The following TRPM4 variants were observed in gnomAD, a reference collection of about 807,000 sequenced individuals.
The protein encoded by TRPM4 is calcium-activated non-selective cation channel 1.
In TRPM4, 124 loss-of-function variants were observed where a neutral mutation model predicts 135.6. That is an observed-to-expected ratio of 0.91 (90% CI 0.79 to 1.06). The LOEUF is 1.06. Among genes scored for constraint, TRPM4 ranks in the 50% least tolerant of loss-of-function variants. The probability of loss-of-function intolerance (pLI) is 0.00; values close to 1 mark genes in which losing one functional copy is unlikely to be tolerated. For synonymous variants in TRPM4, 745 were observed against 705.6 expected (o/e 1.06, Z -0.88); for missense variants, 1,658 against 1,671.4 (o/e 0.99, Z 0.14).
intron 3 of TRPM4, 33 bp from the exon 4 acceptor site, chr19:49,167,884 C>G (rs1334305994): frequency 6.2e-7 from 1 of 1,605,454 alleles, no homozygotes; most frequent in East Asian, 2.2e-5. Context: ...CTCTGTCCCC[C>G]TCCCTGTGTG....
At chr19:49,166,286 G>C (rs1217065278) in intron 3 of TRPM4, 71 bp downstream of exon 3, 7 of 1,471,870 alleles carry the variant, frequency 4.8e-6, no homozygotes, top group South Asian at 2.6e-5. Flanking sequence ...GAGTGGAGCC[G>C]GGACGCCCGC....
At chr19:49,209,426 G>T (rs1308204732) in intron 20 of TRPM4, among the ~76,000 whole-genome samples, 1 of 152,060 alleles carries the variant, frequency 6.6e-6, no homozygotes, top group Non-Finnish European at 1.5e-5. Flanking sequence ...AAACGTTTTT[G>T]ATTCAATCTC....
In TRPM4 at chr19:49,211,773, G is replaced by C. The variant is rs1282100330; in HGVS notation, c.*275G>C. ...GCTGCAGGGTCCTTGGGGTAACAGG[G>C]ACCACAGACCCCTCACCACTCACAG... On this transcript the variant is annotated 3_prime_UTR_variant, in exon 25 of 25. Coordinates refer to ENST00000252826, the MANE Select transcript of TRPM4 (RefSeq NM_017636.4). The surrounding 1 kb of genome is among the most constrained non-coding windows in gnomAD (Gnocchi z 4.8). The C allele has an allele frequency of 1.8e-6, 1 of 569,908 alleles. No individual in the cohort carries two copies. The highest frequency in any genetic ancestry group is 3.0e-5 in the Admixed American group (1 of 32,900). 35.3% of individuals were successfully genotyped at this position (569,908 alleles called of 1,614,324 possible). A position where few individuals can be genotyped will look rare whatever the true frequency, so the allele number is the denominator to read the frequency against.
chr19:49,163,396 A>G (rs1288755203), intron 2 of TRPM4, among the ~76,000 whole-genome samples: 1 of 150,558 alleles, frequency 6.6e-6, no homozygotes, highest in Non-Finnish European at 1.5e-5. Context: ...AGGTTTCACT[A>G]TGTTGGCCAG....
rs1317711283 is a variant in TRPM4 at position 49,210,087 on chromosome 19, T to C, written c.3132-122T>C. On this transcript the variant is annotated intron_variant, in intron 20 of 24. Transcript: ENST00000252826. This position sits in a 1 kb window ranked among gnomAD's most constrained non-coding sequence, Gnocchi z 4.1. ...TAATCGCATCCTGTAACCTCTGACT[T>C]TAGTGATCTTGACTTCTGTCTGCTG... is the stretch of plus-strand genomic sequence containing the variant. 3 of 1,089,524 alleles carry C rather than the reference T, an allele frequency of 2.8e-6. No homozygotes were observed. The highest frequency in any genetic ancestry group is 2.5e-5 in the South Asian group (2 of 78,536). 67.5% of individuals were successfully genotyped at this position (1,089,524 alleles called of 1,614,324 possible).
intron 9 of TRPM4, among the ~76,000 whole-genome samples, chr19:49,177,161 A>G (rs1967727286): frequency 2.0e-5 from 3 of 151,948 alleles, no homozygotes; most frequent in Admixed American, 2.0e-4. Flanking sequence ...CTGGGAGAAA[A>G]TACGGCAGCT....
intron 12 of TRPM4, among the ~76,000 whole-genome samples, chr19:49,185,413 A>T (rs1160115559): frequency 3.3e-5 from 5 of 151,932 alleles, no homozygotes; most frequent in East Asian, 3.9e-4. Flanking sequence ...AGCTAATTTT[A>T]AAAAATTTGC....
chr19:49,176,660 T>C (rs1380754524), intron 9 of TRPM4, among the ~76,000 whole-genome samples: 1 of 152,190 alleles, frequency 6.6e-6, no homozygotes, highest in Non-Finnish European at 1.5e-5. Flanking sequence ...GAGATCAGCC[T>C]GGCCACCATG....
chr19:49,166,289 A>T, intron 3 of TRPM4, 74 bp downstream of exon 3: 2 of 1,470,010 alleles, frequency 1.4e-6, no homozygotes, highest in Non-Finnish European at 1.8e-6. Context: ...TGGAGCCGGG[A>T]CGCCCGCCCT....
chr19:49,201,254 A>G (rs1968925254), intron 19 of TRPM4, among the ~76,000 whole-genome samples: 1 of 152,048 alleles, frequency 6.6e-6, no homozygotes, highest in South Asian at 2.1e-4. Flanking sequence ...TACATTTTGT[A>G]TTTGTCTTGA....
intron 2 of TRPM4, among the ~76,000 whole-genome samples, chr19:49,163,570 C>A (rs1967053220): frequency 6.6e-6 from 1 of 152,038 alleles, no homozygotes; most frequent in Admixed American, 6.6e-5. Context: ...TGGCTTATTG[C>A]AGCCTTGAAC....
At chr19:49,179,963 G>A (rs1172420780) in intron 9 of TRPM4, among the ~76,000 whole-genome samples, 1 of 152,136 alleles carries the variant, frequency 6.6e-6, no homozygotes, top group Non-Finnish European at 1.5e-5. Context: ...TTTAATAGAT[G>A]AGGAAACTGA....
chr19:49,188,276 TA>T (rs1301862000), intron 12 of TRPM4, among the ~76,000 whole-genome samples: 1 of 152,196 alleles, frequency 6.6e-6, no homozygotes, highest in Non-Finnish European at 1.5e-5. Context: ...TTCATTGTCA[TA>T]ATTTTCTCAG....
chr19:49,202,617 T>C lies in TRPM4; in HGVS notation c.3131+476T>C, dbSNP rs1018955954. On this transcript the variant is annotated intron_variant, in intron 20 of 24. Coordinates refer to ENST00000252826, the MANE Select transcript of TRPM4 (RefSeq NM_017636.4). Reference sequence around the variant, plus strand: ...CTCCCTCCTCAGCCTCCCAAAGTGCTGGGATAATCTGTCACCTAGGCTGGA... The same window carrying C: ...CTCCCTCCTCAGCCTCCCAAAGTGCCGGGATAATCTGTCACCTAGGCTGGA... Among the ~76,000 whole-genome samples the C allele has an allele frequency of 2.6e-5, 4 of 152,238 alleles. No individual in the cohort carries two copies. In the South Asian group the frequency reaches 8.3e-4, roughly 32 times the overall value.
chr19:49,210,876 T>C lies in TRPM4; in HGVS notation c.3461+34T>C, dbSNP rs370934929. 6.7e-7 allele frequency: 1 copy of C among 1,492,270 alleles called. No homozygotes were observed. Among genetic ancestry groups the C allele is most frequent in the East Asian group, 2.9e-5 (1 of 34,770 alleles). The allele number at this position is 1,492,270 out of a possible 1,614,324, so 92.4% of individuals were successfully genotyped here. ...GGGGCCTGGTCGGGGATGGGGCTTC[T>C]GGCCTGGGGCGGATCCTGACTTCAG... On this transcript the variant is annotated intron_variant, in intron 22 of 24. Coordinates refer to ENST00000252826, the MANE Select transcript of TRPM4 (RefSeq NM_017636.4). This position sits in a 1 kb window ranked among gnomAD's most constrained non-coding sequence, Gnocchi z 4.1.
intron 11 of TRPM4, 32 bp downstream of exon 11, chr19:49,182,954 C>T (rs373483763): frequency 5.1e-6 from 8 of 1,581,720 alleles, no homozygotes; most frequent in Admixed American, 3.5e-5. Context: ...GGGGCCCCCC[C>T]GCGCGGGAAG....
Position 49,164,364 on chromosome 19 carries a change from G to GTTTTTTTTTTTTT in TRPM4, c.93-1655_93-1643dup, listed in dbSNP as rs869232937. On this transcript the variant is annotated intron_variant, in intron 2 of 24. Transcript: ENST00000252826. Reference sequence around the variant, plus strand: ...CCTCCCTCCTTCCTTTCTTTCCTTAGTTTTTTTTTTTTTTTTTTTTTTTTT... The same window carrying GTTTTTTTTTTTTT: ...CCTCCCTCCTTCCTTTCTTTCCTTAGTTTTTTTTTTTTTTTTTTTTTTTTTTTTTTTTTTTTTT... Among the ~76,000 whole-genome samples, 10 of 16,264 alleles carry GTTTTTTTTTTTTT rather than the reference G, an allele frequency of 6.1e-4. 1 individual carries two copies. The highest frequency in any genetic ancestry group is 1.4e-3 in the Admixed American group (1 of 716). The allele number at this position is 16,264 out of a possible 152,430, so 10.7% of individuals were successfully genotyped here. A position where few individuals can be genotyped will look rare whatever the true frequency, so the allele number is the denominator to read the frequency against.
rs1348416935 is a variant in TRPM4, at chr19:49,181,526, CCTT to C, written c.1263+69_1263+71del. ...GGGACTGTGCTGTCCTCCCTCTCTG[CCTT>C]CTTTTTTTTTTTTTTTTTTTTTGAC... On this transcript the variant is annotated intron_variant, in intron 10 of 24. Coordinates refer to ENST00000252826, the MANE Select transcript of TRPM4 (RefSeq NM_017636.4). 51 of 880,378 alleles carry C rather than the reference CCTT, an allele frequency of 5.8e-5. 1 individual carries two copies. Among genetic ancestry groups the C allele is most frequent in the African/African-American group, 1.4e-4 (7 of 49,884 alleles). The allele number at this position is 880,378 out of a possible 1,614,324, so 54.5% of individuals were successfully genotyped here.
intron 3 of TRPM4, among the ~76,000 whole-genome samples, chr19:49,166,498 C>A (rs1967186762): frequency 1.5e-5 from 1 of 66,772 alleles, no homozygotes; most frequent in African/African-American, 6.0e-5. Flanking sequence ...GTCTCTGTCC[C>A]CCTCTCTCTC....
Sources: gnomAD v4.1 joint callset for allele counts (sites outside exome capture counted in the v4.1 genomes callset) on GRCh38, gnomAD v4.1.1 for gene constraint, Gnocchi (gnomAD v3.1) non-coding constraint, MANE v1.5 for transcripts, NCBI Gene and HGNC (gene_info 2026-07-23, HGNC 2026-07-21) for gene names.